Variants in SMARCA2 observed in about 807,000 individuals in gnomAD.
SMARCA2 encodes the protein SWI/SNF-related matrix-associated actin-dependent regulator of chromatin subfamily A member 2.
Under a neutral mutation model 199.8 loss-of-function variants are expected in SMARCA2, and 61 were observed. The observed-to-expected ratio is 0.31, with a 90% confidence interval of 0.25 to 0.38. The LOEUF is 0.38. SMARCA2 is among the 10% of genes least tolerant of loss of function. SMARCA2 has a pLI of 1.00. For synonymous variants in SMARCA2, 935 were observed against 732.0 expected, an observed-to-expected ratio of 1.28 and a Z score of -4.48; for missense variants, 1,344 against 2,012.2, an observed-to-expected ratio of 0.67 and a Z score of 6.35.
chr9:2,149,085 A>T (rs1253501303), intron 27 of SMARCA2, among the ~76,000 whole-genome samples: 1 of 151,614 alleles, frequency 6.6e-6, no homozygotes, highest in African/African-American at 2.4e-5. Context: ...GCTGATAAAG[A>T]CATACCTGAG....
intron 29 of SMARCA2, among the ~76,000 whole-genome samples, chr9:2,178,514 C>T (rs1384937974): frequency 6.6e-6 from 1 of 152,080 alleles, no homozygotes; most frequent in East Asian, 1.9e-4. Context: ...AGAACACCTT[C>T]TGTAAACAAC....
chr9:2,058,345 T>C lies in SMARCA2; in HGVS notation c.1402T>C (p.Ser468Pro). Residue 468 changes from serine (S) to proline (P), a missense_variant, in exon 8 of 34, where the codon TCT (serine) becomes CCT (proline). By Grantham distance (74) the Ser-to-Pro change is moderately conservative. Transcript: ENST00000349721. Reference sequence around the variant, plus strand: ...AAAAGATTTTAAGGAATATCATCGGTCTGTGGCCGGAAAGATCCAGAAGCT... The same window carrying C: ...AAAAGATTTTAAGGAATATCATCGGCCTGTGGCCGGAAAGATCCAGAAGCT... ...HAKDFKEYHR[S>P]VAGKIQKLSK... is the part of the protein sequence containing the mutation. The C allele has an allele frequency of 6.2e-7, 1 of 1,614,120 alleles. No individual in the cohort carries two copies.
intron 18 of SMARCA2, 113 bp from the exon 19 acceptor site, chr9:2,088,387 A>G: frequency 1.6e-6 from 2 of 1,247,990 alleles, no homozygotes; most frequent in Middle Eastern, 2.9e-4. Context: ...CTTGGCTTTA[A>G]TGCATGTAAA....
chr9:2,123,591 C>A lies in SMARCA2; in HGVS notation c.3763-128C>A. ...TTAGGGATGAGCTAGAACAAGCCAA[C>A]CAGGATGAGAGAGGTTGAAAGGGAC... On this transcript the variant is annotated intron_variant, in intron 26 of 33. Transcript: ENST00000349721. The surrounding 1 kb of genome is among the most constrained non-coding windows in gnomAD (Gnocchi z 4.1). 1.3e-6 allele frequency: 1 copy of A among 796,680 alleles called. No homozygotes were observed. The highest frequency in any genetic ancestry group is 2.1e-6 in the Non-Finnish European group (1 of 466,924). The allele number at this position is 796,680 out of a possible 1,614,324, so 49.4% of individuals were successfully genotyped here. A position where few individuals can be genotyped will look rare whatever the true frequency, so the allele number is the denominator to read the frequency against.
intron 9 of SMARCA2, among the ~76,000 whole-genome samples, chr9:2,069,395 A>C (rs1034437055): frequency 1.1e-4 from 17 of 151,488 alleles, no homozygotes; most frequent in African/African-American, 4.1e-4. Flanking sequence ...TCTCCACTAA[A>C]AAAATACAAA....
intron 24 of SMARCA2, among the ~76,000 whole-genome samples, chr9:2,111,491 C>CAAAAAAAAAAAAA (rs148112929): frequency 1.1e-5 from 1 of 86,968 alleles, no homozygotes; most frequent in African/African-American, 3.6e-5. Flanking sequence ...GACCGTGTCT[C>CAAAAAAAAAAAAA]AAAAAAAAAA....
intron 10 of SMARCA2, chr9:2,071,906 A>C (rs1432121722): frequency 6.6e-6 from 1 of 152,228 alleles, no homozygotes; most frequent in African/African-American, 2.4e-5. Flanking sequence ...CATGCAAAGT[A>C]ATGATGTTCA....
At chr9:2,145,945 G>A (rs1037100618) in intron 27 of SMARCA2, among the ~76,000 whole-genome samples, 6 of 152,200 alleles carry the variant, frequency 3.9e-5, no homozygotes, top group African/African-American at 9.6e-5. Context: ...CATCCCAGGC[G>A]AGAAGTAAGA....
intron 14 of SMARCA2, among the ~76,000 whole-genome samples, chr9:2,081,039 C>T (rs940089315): frequency 4.6e-5 from 7 of 152,148 alleles, no homozygotes; most frequent in African/African-American, 1.7e-4. Context: ...CTAAGCATAA[C>T]ATCATTAGCA....
chr9:2,061,843 C>T (rs1820606729), intron 9 of SMARCA2, among the ~76,000 whole-genome samples: 1 of 152,170 alleles, frequency 6.6e-6, no homozygotes, highest in African/African-American at 2.4e-5. Context: ...GCTCCTGAAT[C>T]CTCATACCTG....
chr9:2,148,062 G>A (rs1824858739), intron 27 of SMARCA2, among the ~76,000 whole-genome samples: 1 of 151,640 alleles, frequency 6.6e-6, no homozygotes, highest in Admixed American at 6.6e-5. Context: ...AGTTGTAACA[G>A]TCTAGCCCTC....
In SMARCA2 at chr9:2,186,240, C is replaced by T. The variant is rs1827444960; in HGVS notation, c.4594+12C>T. On this transcript the variant is annotated intron_variant, in intron 32 of 33. Transcript: ENST00000349721. The stretch of plus-strand genomic sequence containing the variant: ...GTCAGAGTCCGAGGGTAAGCCCAGA[C>T]ATTCGGGTCCTGTACATCTTTGCCC... 2.5e-6 allele frequency: 4 copies of T among 1,610,464 alleles called. No individual in the cohort carries two copies. The highest frequency in any genetic ancestry group is 1.3e-5 in the African/African-American group (1 of 74,874).
At chr9:2,102,404 G>T (rs1421968161) in intron 22 of SMARCA2, among the ~76,000 whole-genome samples, 1 of 152,138 alleles carries the variant, frequency 6.6e-6, no homozygotes, top group Non-Finnish European at 1.5e-5. Context: ...TTGGAGAACA[G>T]TTCTCAGAGT....
intron 5 of SMARCA2, among the ~76,000 whole-genome samples, chr9:2,049,897 C>T (rs182251079): frequency 1.4e-4 from 21 of 152,226 alleles, no homozygotes; most frequent in African/African-American, 2.4e-5. Flanking sequence ...CTTTATCATC[C>T]GATCAAAGAT....
chr9:2,080,924 C>G (rs1049824594), intron 14 of SMARCA2, among the ~76,000 whole-genome samples: 1 of 152,210 alleles, frequency 6.6e-6, no homozygotes, highest in Non-Finnish European at 1.5e-5. Flanking sequence ...TGGTATCTAT[C>G]TGCTACAGCT....
chr9:2,037,016 T>A (rs1819365117), intron 3 of SMARCA2, among the ~76,000 whole-genome samples: 1 of 152,176 alleles, frequency 6.6e-6, no homozygotes, highest in Non-Finnish European at 1.5e-5. Context: ...AGGAAACATA[T>A]GACTAATTTT....
chr9:2,143,428 G>T (rs766884786), intron 27 of SMARCA2, among the ~76,000 whole-genome samples: 29 of 152,144 alleles, frequency 1.9e-4, no homozygotes, highest in Non-Finnish European at 4.1e-4. Context: ...TGAATGATGT[G>T]TCCCTCTGTT....
At chr9:2,030,450 A>G (rs946350501) in intron 2 of SMARCA2, among the ~76,000 whole-genome samples, 3 of 152,096 alleles carry the variant, frequency 2.0e-5, no homozygotes, top group Admixed American at 6.5e-5. Context: ...CCAAAGAGCC[A>G]GAAGAGTCAG....
chr9:2,165,003 G>C (rs1445724751), intron 28 of SMARCA2, among the ~76,000 whole-genome samples: 1 of 152,174 alleles, frequency 6.6e-6, no homozygotes, highest in Non-Finnish European at 1.5e-5. Flanking sequence ...ACTCAAATTA[G>C]GAGAGCCTTA....
Sources: gnomAD v4.1 joint callset for allele counts (sites outside exome capture counted in the v4.1 genomes callset) on GRCh38, gnomAD v4.1.1 for gene constraint, Gnocchi (gnomAD v3.1) non-coding constraint, MANE v1.5 for transcripts, NCBI Gene and HGNC (gene_info 2026-07-23, HGNC 2026-07-21) for gene names.